Variants in DPP10 observed in about 807,000 individuals in gnomAD.
DPP10 encodes dipeptidyl peptidase like 10.
DPP10 carries 33 observed loss-of-function variants against 120.9 expected under a neutral mutation model. The ratio of observed to expected loss-of-function variants is 0.27; its 90% CI spans 0.21 to 0.37. DPP10 has a LOEUF of 0.37. Ranked by LOEUF, DPP10 falls within the 10% of genes least tolerant of loss-of-function variation. The pLI, the probability that DPP10 is intolerant of heterozygous loss-of-function variation, is 1.00. For synonymous variants in DPP10, 337 were observed against 326.1 expected, an observed-to-expected ratio of 1.03 and a Z score of -0.36; for missense variants, 816 against 942.8, an observed-to-expected ratio of 0.87 and a Z score of 1.76.
intron 3 of DPP10, among the ~76,000 whole-genome samples, chr2:115,352,144 A>G (rs778144761): frequency 1.3e-5 from 2 of 152,166 alleles, no homozygotes; most frequent in Admixed American, 6.6e-5. Flanking sequence ...TAGGTATGCA[A>G]TGATCAAAGT....
intron 5 of DPP10, among the ~76,000 whole-genome samples, chr2:115,658,592 G>A (rs1446906789): frequency 2.0e-5 from 3 of 152,124 alleles, no homozygotes; most frequent in Non-Finnish European, 4.4e-5. Context: ...TCAAATAAAT[G>A]TGGTGTTTGT....
rs569681070 is a variant in DPP10 at position 114,641,554 on chromosome 2, T to A, written c.60+198716T>A. Among the ~76,000 whole-genome samples the A allele has an allele frequency of 8.5e-5, 13 of 152,126 alleles. No individual in the cohort carries two copies. In the South Asian group the frequency reaches 1.9e-3, roughly 22 times the overall value. On this transcript the variant is annotated intron_variant, in intron 1 of 25. Transcript: ENST00000410059. ...AATACAATTATACATTTTAAAATGA[T>A]CTCACAGTCTTGCTTTCTAACTTGA...
chr2:115,278,728 C>G (rs1019787755), intron 1 of DPP10, among the ~76,000 whole-genome samples: 3 of 151,888 alleles, frequency 2.0e-5, no homozygotes, highest in Non-Finnish European at 4.4e-5. Context: ...TTCAGTTGCC[C>G]CAAGGGAGGA....
chr2:115,635,886 C>A (rs186940629), intron 5 of DPP10, among the ~76,000 whole-genome samples: 305 of 152,234 alleles, frequency 2.0e-3, no homozygotes, highest in Middle Eastern at 6.8e-3. Flanking sequence ...TCAATACATT[C>A]TAAAATCATT....
intron 3 of DPP10, among the ~76,000 whole-genome samples, chr2:115,367,235 T>G (rs2106379780): frequency 6.6e-6 from 1 of 152,042 alleles, no homozygotes; most frequent in East Asian, 1.9e-4. Context: ...ATTTTGGTTT[T>G]GATTATGTTT....
At chr2:115,694,686 TA>T (rs1375959097) in intron 7 of DPP10, among the ~76,000 whole-genome samples, 1 of 152,184 alleles carries the variant, frequency 6.6e-6, no homozygotes, top group Admixed American at 6.5e-5. Flanking sequence ...TAACAATTGC[TA>T]CAGTAGACAT....
At chr2:115,511,272 TA>T (rs2148836427) in intron 4 of DPP10, among the ~76,000 whole-genome samples, 1 of 152,272 alleles carries the variant, frequency 6.6e-6, no homozygotes, top group East Asian at 1.9e-4. Context: ...TTACATGTTA[TA>T]AGCCTATTCC....
At chr2:114,822,153 C>T (rs1686143648) in intron 1 of DPP10, among the ~76,000 whole-genome samples, 1 of 152,192 alleles carries the variant, frequency 6.6e-6, no homozygotes, top group African/African-American at 2.4e-5. Context: ...GCAGACTTTG[C>T]CCCTGAACAT....
chr2:114,810,719 A>T (rs1685104693), intron 1 of DPP10, among the ~76,000 whole-genome samples: 1 of 152,150 alleles, frequency 6.6e-6, no homozygotes, highest in African/African-American at 2.4e-5. Context: ...CCTTGCTGAT[A>T]CCCACTTTGG....
chr2:114,733,684 G>T (rs1203395910), intron 1 of DPP10, among the ~76,000 whole-genome samples: 1 of 152,130 alleles, frequency 6.6e-6, no homozygotes, highest in South Asian at 2.1e-4. Context: ...TTATGTTTTA[G>T]ATGACTGATA....
intron 1 of DPP10, among the ~76,000 whole-genome samples, chr2:114,663,458 G>A (rs1697605185): frequency 6.7e-6 from 1 of 150,106 alleles, no homozygotes; most frequent in Non-Finnish European, 1.5e-5. Context: ...TTAGACTTTT[G>A]AAAATTATTT....
chr2:115,091,981 C>A (rs960068793), intron 1 of DPP10, among the ~76,000 whole-genome samples: 17 of 152,192 alleles, frequency 1.1e-4, no homozygotes, highest in African/African-American at 3.9e-4. Context: ...CTACTAATAA[C>A]CATTGCGGCC....
chr2:114,812,563 G>A lies in DPP10; in HGVS notation c.60+369725G>A, dbSNP rs148471272. On this transcript the variant is annotated intron_variant, in intron 1 of 25. Transcript: ENST00000410059. ...TGATTGCATCACTGCACTCCAGCCT[G>A]GGCAACAGGGTGAGACATTGACACA... Among the ~76,000 whole-genome samples, 1,197 of 146,292 alleles carry A rather than the reference G, an allele frequency of 8.2e-3. 15 individuals are homozygous for A. The highest frequency in any genetic ancestry group is 0.029 in the African/African-American group (1,151 of 39,604).
intron 5 of DPP10, among the ~76,000 whole-genome samples, chr2:115,653,637 T>G (rs1410018374): frequency 6.6e-6 from 1 of 151,996 alleles, no homozygotes; most frequent in Non-Finnish European, 1.5e-5. Context: ...GTGTATGTTC[T>G]TTCTTTCTTT....
At chr2:114,921,629 G>A (rs1252508519) in intron 1 of DPP10, among the ~76,000 whole-genome samples, 4 of 152,186 alleles carry the variant, frequency 2.6e-5, no homozygotes, top group Non-Finnish European at 4.4e-5. Flanking sequence ...ATTCTCTTAA[G>A]GGTTGTATAA....
At chr2:114,864,768 C>T (rs1056362370) in intron 1 of DPP10, among the ~76,000 whole-genome samples, 1 of 152,190 alleles carries the variant, frequency 6.6e-6, no homozygotes, top group Non-Finnish European at 1.5e-5. Flanking sequence ...GACCTAACCA[C>T]TAGGTGATTA....
intron 1 of DPP10, among the ~76,000 whole-genome samples, chr2:114,465,862 T>C (rs556598130): frequency 7.2e-5 from 11 of 152,180 alleles, no homozygotes; most frequent in Non-Finnish European, 1.0e-4. Context: ...CAAAATCTGT[T>C]TTTCTAGGCA....
At chr2:115,771,076 T>G (rs1415655028) in intron 13 of DPP10, among the ~76,000 whole-genome samples, 1 of 151,868 alleles carries the variant, frequency 6.6e-6, no homozygotes, top group Non-Finnish European at 1.5e-5. Flanking sequence ...ATTTATTTAT[T>G]TATTTATTTA....
Position 114,862,431 on chromosome 2 carries a change from G to GA in DPP10, c.60+419602dup, listed in dbSNP as rs759290583. ...TGGTGGCATGTATGCTAGCAGAGTG[G>GA]AAAAAAAAACCCTCCAATCTCACAC... On this transcript the variant is annotated intron_variant, in intron 1 of 25. Transcript: ENST00000410059. Among the ~76,000 whole-genome samples, 74 of 150,770 alleles carry GA rather than the reference G, an allele frequency of 4.9e-4. 1 individual carries two copies. Among genetic ancestry groups the GA allele is most frequent in the South Asian group, 1.7e-3 (8 of 4,756 alleles).
Sources: allele counts gnomAD v4.1 joint callset (sites outside exome capture counted in the v4.1 genomes callset), GRCh38; gene constraint gnomAD v4.1.1; transcripts MANE v1.5; gene names NCBI Gene and HGNC (gene_info 2026-07-23, HGNC 2026-07-21).